Variants in RAPGEF4 observed in about 807,000 individuals in gnomAD.
RAPGEF4 encodes Rap guanine nucleotide exchange factor 4, also known as RAP guanine-nucleotide-exchange factor (GEF) 4.
RAPGEF4 carries 66 observed loss-of-function variants against 147.9 expected under a neutral mutation model. The ratio of observed to expected loss-of-function variants is 0.45; its 90% CI spans 0.37 to 0.55. The LOEUF is 0.55. Ranked by LOEUF, RAPGEF4 falls within the 20% of genes least tolerant of loss-of-function variation. The probability of loss-of-function intolerance (pLI) is 0.00; values close to 1 mark genes in which losing one functional copy is unlikely to be tolerated. For synonymous variants in RAPGEF4, 419 were observed against 442.7 expected (o/e 0.95, Z 0.67); for missense variants, 1,071 against 1,257.3 (o/e 0.85, Z 2.24).
chr2:172,809,774 C>T (rs1559052500), intron 3 of RAPGEF4, among the ~76,000 whole-genome samples: 1 of 152,136 alleles, frequency 6.6e-6, no homozygotes, highest in Non-Finnish European at 1.5e-5. Flanking sequence ...TTCAAGCAAG[C>T]CCCTCACCTC....
At chr2:172,894,680 A>C (rs1698290341) in intron 4 of RAPGEF4, among the ~76,000 whole-genome samples, 1 of 152,188 alleles carries the variant, frequency 6.6e-6, no homozygotes, top group Non-Finnish European at 1.5e-5. Flanking sequence ...GGATTTAATG[A>C]GAATAGAAAG....
At chr2:173,045,628 G>A (rs1054478389) in intron 29 of RAPGEF4, among the ~76,000 whole-genome samples, 1 of 152,242 alleles carries the variant, frequency 6.6e-6, no homozygotes, top group Non-Finnish European at 1.5e-5. Flanking sequence ...GCCCGTGGGA[G>A]TCTTATGCAA....
At chr2:172,920,422 T>A (rs1268703670) in intron 5 of RAPGEF4, among the ~76,000 whole-genome samples, 1 of 152,208 alleles carries the variant, frequency 6.6e-6, no homozygotes, top group Non-Finnish European at 1.5e-5. Context: ...ATGTCTTTAT[T>A]GCTGATTGCT....
At chr2:172,866,474 C>T (rs1318064893) in intron 4 of RAPGEF4, among the ~76,000 whole-genome samples, 1 of 152,118 alleles carries the variant, frequency 6.6e-6, no homozygotes, top group African/African-American at 2.4e-5. Flanking sequence ...TTTCTTTATA[C>T]ACTATTAAAA....
chr2:173,000,716 T>A (rs1693809187), intron 16 of RAPGEF4, among the ~76,000 whole-genome samples: 1 of 151,752 alleles, frequency 6.6e-6, no homozygotes, highest in Non-Finnish European at 1.5e-5. Flanking sequence ...GCTCACAGCC[T>A]TAATCTTGTT....
chr2:172,961,084 T>A, intron 7 of RAPGEF4, 38 bp from the exon 8 acceptor site: 1 of 1,422,064 alleles, frequency 7.0e-7, no homozygotes, highest in Non-Finnish European at 9.9e-7. Context: ...TATAAACACT[T>A]CTTTCTCCTC....
intron 4 of RAPGEF4, among the ~76,000 whole-genome samples, chr2:172,890,999 C>T (rs1697841399): frequency 6.6e-6 from 1 of 152,260 alleles, no homozygotes; most frequent in East Asian, 1.9e-4. Context: ...GGTGCGATGG[C>T]ACATACCTGT....
chr2:172,861,151 C>T (rs1445840859), intron 4 of RAPGEF4, among the ~76,000 whole-genome samples: 1 of 152,146 alleles, frequency 6.6e-6, no homozygotes, highest in African/African-American at 2.4e-5. Context: ...CTGATTGTTG[C>T]TCTGAGGGAA....
At chr2:172,972,104 G>T (rs184457794) in intron 10 of RAPGEF4, among the ~76,000 whole-genome samples, 1 of 151,944 alleles carries the variant, frequency 6.6e-6, no homozygotes, top group Non-Finnish European at 1.5e-5. Context: ...GGTGGGGAGG[G>T]TATTGTTTAT....
chr2:172,944,597 A>C (rs768655958), intron 6 of RAPGEF4, among the ~76,000 whole-genome samples: 1 of 152,144 alleles, frequency 6.6e-6, no homozygotes, highest in Non-Finnish European at 1.5e-5. Flanking sequence ...TGGGATTGAG[A>C]TACTTGGAGA....
At chr2:172,985,530 C>T in intron 12 of RAPGEF4, 37 bp downstream of exon 12, 1 of 1,600,766 alleles carries the variant, frequency 6.2e-7, no homozygotes, top group Non-Finnish European at 8.5e-7. Flanking sequence ...TGCGCCTGGC[C>T]AGCACCCTTG....
rs1480387978 is a variant in RAPGEF4 at position 172,961,191 on chromosome 2, A to G, written c.661A>G (p.Met221Val). Residue 221 changes from methionine (M) to valine (V), a missense_variant, in exon 8 of 31, where the codon ATG becomes GTG. Transcript: ENST00000397081. ...RNAILSRAPH[M>V]IRDRKYHLKT... ...TGCCATTCTCTCTCGAGCACCTCAC[A>G]TGATAAGAGATAGAAAATACCACCT... 21 of 1,611,670 alleles carry G rather than the reference A, an allele frequency of 1.3e-5. No homozygotes were observed. Among genetic ancestry groups the G allele is most frequent in the Non-Finnish European group, 1.6e-5 (19 of 1,177,840 alleles).
chr2:172,853,330 AT>A (rs1192766855), intron 4 of RAPGEF4, among the ~76,000 whole-genome samples: 2 of 152,010 alleles, frequency 1.3e-5, no homozygotes. Context: ...ACTATTAAAG[AT>A]TTTTAATTTC....
At chr2:172,932,437 A>G (rs1686091833) in intron 6 of RAPGEF4, among the ~76,000 whole-genome samples, 1 of 152,246 alleles carries the variant, frequency 6.6e-6, no homozygotes, top group Non-Finnish European at 1.5e-5. Context: ...TATGGAATGC[A>G]TACAGTGTAT....
At chr2:172,901,357 T>C (rs1476571273) in intron 4 of RAPGEF4, among the ~76,000 whole-genome samples, 1 of 152,260 alleles carries the variant, frequency 6.6e-6, no homozygotes, top group African/African-American at 2.4e-5. Context: ...GTGATCATCA[T>C]GCTTCCCCTG....
chr2:172,738,957 C>A (rs1694057663), intron 1 of RAPGEF4, among the ~76,000 whole-genome samples: 1 of 152,156 alleles, frequency 6.6e-6, no homozygotes, highest in South Asian at 2.1e-4. Flanking sequence ...TTAGGAATGC[C>A]TAGAAAGCTA....
rs750132915 is a variant in RAPGEF4, at chr2:173,048,632, A to T, written c.2886A>T (p.Arg962Ser). Residue 962 changes from arginine to serine, a missense_variant, in exon 30 of 31, where the codon AGA (arginine) becomes AGT (serine). Physicochemically the swap from Arg to Ser is moderately radical, Grantham distance 110. Coordinates refer to ENST00000397081, the MANE Select transcript of RAPGEF4 (RefSeq NM_007023.4). ...RMIANTARTV[R>S]YYRSQPFNPD... ...TTGCAAATACGGCCAGAACAGTGAG[A>T]TACTACAGGAGCCAACCCTTCAGTA... The T allele has an allele frequency of 1.9e-6, 3 of 1,614,122 alleles. No individual in the cohort carries two copies. The highest frequency in any genetic ancestry group is 2.5e-6 in the Non-Finnish European group (3 of 1,180,026).
chr2:172,913,280 G>A (rs1248876581), intron 4 of RAPGEF4, among the ~76,000 whole-genome samples: 1 of 152,190 alleles, frequency 6.6e-6, no homozygotes, highest in East Asian at 1.9e-4. Context: ...CTTAGGTTTT[G>A]TTGTACCACC....
chr2:172,775,946 T>A (rs1015050683), intron 1 of RAPGEF4, among the ~76,000 whole-genome samples: 7 of 152,196 alleles, frequency 4.6e-5, no homozygotes, highest in Non-Finnish European at 8.8e-5. Flanking sequence ...AGTTTATAAG[T>A]CAGAGCCATG....
Sources: gnomAD v4.1 joint callset for allele counts (sites outside exome capture counted in the v4.1 genomes callset) on GRCh38, gnomAD v4.1.1 for gene constraint, MANE v1.5 for transcripts, NCBI Gene and HGNC (gene_info 2026-07-23, HGNC 2026-07-21) for gene names.